The following CLDN16 variants were observed in gnomAD, a reference collection of about 807,000 sequenced individuals.
CLDN16 encodes claudin 16.
Under a neutral mutation model 24.6 loss-of-function variants are expected in CLDN16, and 13 were observed. The ratio of observed to expected loss-of-function variants is 0.53; its 90% CI spans 0.34 to 0.84. The LOEUF (loss-of-function observed/expected upper bound fraction) is 0.84, where lower values mean the gene tolerates loss of function less well. CLDN16 is among the 40% of genes least tolerant of loss of function. CLDN16 has a pLI of 0.01. For missense variants in CLDN16, 298 were observed against 292.7 expected, an observed-to-expected ratio of 1.02 and a Z score of -0.13; for synonymous variants, 116 against 106.7, an observed-to-expected ratio of 1.09 and a Z score of -0.54.
intron 1 of CLDN16, among the ~76,000 whole-genome samples, chr3:190,395,663 G>A (rs886615156): frequency 2.0e-5 from 3 of 152,002 alleles, no homozygotes; most frequent in African/African-American, 7.2e-5. Context: ...AAATATATTA[G>A]CACATGGATA....
At chr3:190,323,775 C>G (rs1198995113) in intron 1 of CLDN16, among the ~76,000 whole-genome samples, 1 of 152,180 alleles carries the variant, frequency 6.6e-6, no homozygotes, top group African/African-American at 2.4e-5. Flanking sequence ...TCCCTGGATG[C>G]CTTTCATGTA....
In CLDN16 at chr3:190,410,634, C is replaced by G. The variant is rs1326939252; in HGVS notation, c.*598C>G. On this transcript the variant is annotated 3_prime_UTR_variant, in exon 5 of 5. Transcript: ENST00000264734. ...AAAGACAAGAGCTGCCCCCCCACCC[C>G]CAAATGTCAAAGGCAAATGCTAAAT... is the stretch of plus-strand genomic sequence containing the variant. 1.3e-5 allele frequency: 2 copies of G among 152,740 alleles called. No individual in the cohort carries two copies. The highest frequency in any genetic ancestry group is 1.9e-4 in the East Asian group (1 of 5,198). The allele number at this position is 152,740 out of a possible 1,614,324, so 9.5% of individuals were successfully genotyped here. A position where few individuals can be genotyped will look rare whatever the true frequency, so the allele number is the denominator to read the frequency against.
chr3:190,344,906 T>C (rs115728774), intron 1 of CLDN16, among the ~76,000 whole-genome samples: 4,489 of 152,142 alleles, frequency 0.03, 107 homozygotes, highest in East Asian at 0.081. Context: ...CACAGATCGA[T>C]TCAGAGGAAA....
intron 1 of CLDN16, among the ~76,000 whole-genome samples, chr3:190,326,153 T>C (rs963839763): frequency 2.0e-5 from 3 of 152,202 alleles, no homozygotes; most frequent in South Asian, 2.1e-4. Flanking sequence ...CCTAGTGCTG[T>C]TATGAACATT....
chr3:190,304,284 C>T, the CLDN16 span, among the ~76,000 whole-genome samples: 5 of 152,018 alleles, frequency 3.3e-5, no homozygotes, highest in African/African-American at 9.7e-5. Flanking sequence ...AGTGGCAGAA[C>T]GAGTGCTATG....
At chr3:190,348,675 A>G (rs1182366140) in intron 1 of CLDN16, among the ~76,000 whole-genome samples, 1 of 152,152 alleles carries the variant, frequency 6.6e-6, no homozygotes, top group Non-Finnish European at 1.5e-5. Context: ...TCATTTTTTA[A>G]GTTTTAAGGT....
At chr3:190,401,600 G>A (rs907152660) in intron 1 of CLDN16, among the ~76,000 whole-genome samples, 1 of 152,148 alleles carries the variant, frequency 6.6e-6, no homozygotes, top group Non-Finnish European at 1.5e-5. Flanking sequence ...AAGGTTCAGG[G>A]AACTGGTACC....
rs374103314 is a variant in CLDN16 at position 190,358,453 on chromosome 3, T to A, written n.122-12440T>A. ...GTGGAATAAAAATCAGACTCGTCCC[T>A]CCTGAGTACAAACACACGGATCAGT... is the stretch of plus-strand genomic sequence containing the variant. On this transcript the variant is annotated intron_variant and non_coding_transcript_variant, in intron 1 of 4. Transcript: ENST00000468220. Among the ~76,000 whole-genome samples, 13 of 152,042 alleles carry A rather than the reference T, an allele frequency of 8.6e-5. No homozygotes were observed. The East Asian group carries it at 2.3e-3, about 27-fold the overall frequency.
At chr3:190,362,343 C>G (rs1378642390) in intron 1 of CLDN16, among the ~76,000 whole-genome samples, 1 of 151,902 alleles carries the variant, frequency 6.6e-6, no homozygotes, top group African/African-American at 2.4e-5. Context: ...TAATCTGACT[C>G]AATCAGTTCT....
At chr3:190,397,991 T>C (rs961328369) in intron 1 of CLDN16, among the ~76,000 whole-genome samples, 1 of 152,220 alleles carries the variant, frequency 6.6e-6, no homozygotes, top group Non-Finnish European at 1.5e-5. Context: ...AGTAGGCTAG[T>C]TTGTTTCAGT....
At chr3:190,405,057 A>G in intron 3 of CLDN16, 131 bp downstream of exon 3, 1 of 888,736 alleles carries the variant, frequency 1.1e-6, no homozygotes, top group Non-Finnish European at 1.8e-6. Context: ...TGAAAAACTA[A>G]AGGTCACTTC....
intron 1 of CLDN16, among the ~76,000 whole-genome samples, chr3:190,392,059 CT>C (rs35220103): frequency 0.018 from 2,331 of 126,010 alleles, 83 homozygotes; most frequent in Non-Finnish European, 0.024. Context: ...CCTTTTCAGT[CT>C]TTTTTTTTTT....
the CLDN16 span, among the ~76,000 whole-genome samples, chr3:190,315,136 A>G: frequency 1.3e-5 from 2 of 152,236 alleles, no homozygotes; most frequent in Non-Finnish European, 2.9e-5. Flanking sequence ...AACTAAACCC[A>G]TACATAACAC....
At chr3:190,347,818 T>C (rs1014482918) in intron 1 of CLDN16, among the ~76,000 whole-genome samples, 2 of 151,964 alleles carry the variant, frequency 1.3e-5, no homozygotes, top group African/African-American at 4.8e-5. Context: ...TGATATGAGG[T>C]GATTTCAGGG....
At chr3:190,372,685 C>T (rs1718167483) in intron 2 of CLDN16, among the ~76,000 whole-genome samples, 1 of 151,928 alleles carries the variant, frequency 6.6e-6, no homozygotes, top group Non-Finnish European at 1.5e-5. Flanking sequence ...CAAAAATGAG[C>T]TAGTATTTGT....
At chr3:190,382,386 G>A (rs183868510) in intron 3 of CLDN16, among the ~76,000 whole-genome samples, 10 of 152,180 alleles carry the variant, frequency 6.6e-5, no homozygotes, top group Admixed American at 6.6e-4. Context: ...AATTGCTGAG[G>A]TTTGGCTTAA....
chr3:190,362,840 C>T (rs1221394338), intron 1 of CLDN16, among the ~76,000 whole-genome samples: 2 of 151,884 alleles, frequency 1.3e-5, no homozygotes, highest in Non-Finnish European at 2.9e-5. Flanking sequence ...TCTCCCTATA[C>T]ATTATATGTT....
chr3:190,304,139 A>G, the CLDN16 span, among the ~76,000 whole-genome samples: 95,988 of 151,432 alleles, frequency 0.63, 30,965 homozygotes, highest in African/African-American at 0.75. Context: ...GTGAGGCCTT[A>G]GAATTGGGAA....
intron 1 of CLDN16, among the ~76,000 whole-genome samples, chr3:190,348,087 C>CAAAA (rs777398020): frequency 7.4e-4 from 72 of 97,422 alleles, no homozygotes; most frequent in East Asian, 4.4e-3. Context: ...ACTGAAAATA[C>CAAAA]AAAAAAAAAA....
Sources: gnomAD v4.1 joint callset for allele counts (sites outside exome capture counted in the v4.1 genomes callset) on GRCh38, gnomAD v4.1.1 for gene constraint, MANE v1.5 for transcripts, NCBI Gene and HGNC (gene_info 2026-07-23, HGNC 2026-07-21) for gene names.